CMPK2: variants seen among roughly 807,000 people sequenced by gnomAD.
The protein encoded by CMPK2 is UMP-CMP kinase 2, mitochondrial.
Under a neutral mutation model 33.4 loss-of-function variants are expected in CMPK2, and 32 were observed. The observed-to-expected ratio is 0.96, with a 90% CI of 0.72 to 1.29. The LOEUF (loss-of-function observed/expected upper bound fraction) is 1.29. Ranked by LOEUF, CMPK2 falls within the 50% of genes most tolerant of loss-of-function variation. The pLI, the probability that CMPK2 is intolerant of heterozygous loss-of-function variation, is 0.00. For synonymous variants in CMPK2, 299 were observed against 275.3 expected (o/e 1.09, Z -0.85); for missense variants, 672 against 616.0 (o/e 1.09, Z -0.96).
At chr2:6,860,476 G>T (rs1309407575) in intron 3 of CMPK2, among the ~76,000 whole-genome samples, 2 of 152,178 alleles carry the variant, frequency 1.3e-5, no homozygotes, top group Admixed American at 1.3e-4. Context: ...TTACCATGCT[G>T]TTCTCATGAT....
upstream of CMPK2, chr2:6,866,192 A>C: frequency 5.4e-6 from 1 of 184,558 alleles, no homozygotes; most frequent in South Asian, 8.5e-5. Context: ...CGGGCTCTTC[A>C]ACGCCCACTT....
At chr2:6,853,513 TA>T (rs567554416) in intron 3 of CMPK2, among the ~76,000 whole-genome samples, 71 of 151,926 alleles carry the variant, frequency 4.7e-4, no homozygotes, top group African/African-American at 1.6e-3. Context: ...GACAAGTGCT[TA>T]AAAAAAACTG....
chr2:6,844,352 C>T (rs2103213490), downstream of CMPK2, among the ~76,000 whole-genome samples: 1 of 152,272 alleles, frequency 6.6e-6, no homozygotes, highest in South Asian at 2.1e-4. Context: ...GATATCGGGG[C>T]TGCCTGGGTA....
At chr2:6,847,505 G>A (rs953933697), downstream of CMPK2, among the ~76,000 whole-genome samples, 2 of 152,166 alleles carry the variant, frequency 1.3e-5, no homozygotes, top group Admixed American at 1.3e-4. Context: ...CATGTCTCCA[G>A]GCACAACACC....
chr2:6,856,362 C>A (rs531208763), intron 3 of CMPK2, among the ~76,000 whole-genome samples: 13 of 152,258 alleles, frequency 8.5e-5, no homozygotes, highest in African/African-American at 3.1e-4. Flanking sequence ...GCAGTTGGGA[C>A]AGTTGCTACC....
chr2:6,860,013 T>C (rs1662826425), intron 3 of CMPK2, among the ~76,000 whole-genome samples: 1 of 152,248 alleles, frequency 6.6e-6, no homozygotes, highest in Non-Finnish European at 1.5e-5. Context: ...CAGCACGATC[T>C]GGACATGAGA....
chr2:6,849,742 A>T lies in CMPK2; in HGVS notation c.*108T>A. 1 of 1,547,684 alleles carries T rather than the reference A, an allele frequency of 6.5e-7. No individual in the cohort carries two copies. The highest frequency in any genetic ancestry group is 8.7e-7 in the Non-Finnish European group (1 of 1,155,392). On this transcript the variant is annotated 3_prime_UTR_variant, in exon 5 of 5. Coordinates refer to ENST00000256722, the MANE Select transcript of CMPK2 (RefSeq NM_207315.4). Reference sequence around the variant, plus strand: ...TGCCTGGTCTCCAGTTTTCTGCCACACAACATGCTTGTAGAACAGAAATTT... The same window carrying T: ...TGCCTGGTCTCCAGTTTTCTGCCACTCAACATGCTTGTAGAACAGAAATTT...
At position 6,861,336 on chromosome 2, in the gene CMPK2, G is replaced by C; in HGVS notation, c.840C>G (p.Leu280=). 3 of 1,614,184 alleles carry C rather than the reference G, an allele frequency of 1.9e-6. No individual in the cohort carries two copies. Among genetic ancestry groups the C allele is most frequent in the Non-Finnish European group, 2.5e-6 (3 of 1,180,036 alleles). Residue 280 remains leucine, a synonymous_variant, in exon 3 of 5, where the codon CTC becomes CTG. Transcript: ENST00000256722. The part of the protein sequence containing the change: ...QSVADSLKAV[L]LKSPPSCIGQ... ...CAATGCAAGAGGGTGGTGACTTTAA[G>C]AGGACAGCCTTAAGTGAATCTGCCA...
upstream of CMPK2, chr2:6,866,372 TCTCACCTGTGCACTCA>T (rs1454539491): frequency 9.9e-6 from 9 of 908,364 alleles, no homozygotes; most frequent in Non-Finnish European, 1.1e-5. Context: ...CTGTATCTTA[TCTCACCTGTGCACTCA>T]CTCACCTGTG....
chr2:6,850,843 G>T, intron 4 of CMPK2: 2 of 988,326 alleles, frequency 2.0e-6, no homozygotes, highest in Non-Finnish European at 2.4e-6. Context: ...TTCATACTCA[G>T]TCATGAGGCA....
chr2:6,857,327 T>C (rs377097610), intron 3 of CMPK2, among the ~76,000 whole-genome samples: 1 of 147,934 alleles, frequency 6.8e-6, no homozygotes, highest in African/African-American at 2.6e-5. Flanking sequence ...TTATTGTTTT[T>C]GGGATTTTTT....
intron 3 of CMPK2, chr2:6,840,817 G>A (rs914168094): frequency 2.1e-5 from 13 of 611,140 alleles, no homozygotes; most frequent in Admixed American, 5.4e-5. Context: ...GAGGTTACAT[G>A]TTTAACCAAT....
chr2:6,866,336 G>T, upstream of CMPK2: 2 of 688,256 alleles, frequency 2.9e-6, no homozygotes, highest in Non-Finnish European at 3.6e-6. Context: ...TGCGGGAACA[G>T]GGCGCAGTTC....
At position 6,865,219 on chromosome 2, in the gene CMPK2, G is replaced by A. The variant is rs772675447; in HGVS notation, c.478C>T (p.His160Tyr). Residue 160 changes from histidine (H) to tyrosine (Y), a missense_variant, in exon 1 of 5, where the codon CAC becomes TAC. Coordinates refer to ENST00000256722, the MANE Select transcript of CMPK2 (RefSeq NM_207315.4). ...GGGTCGGCCTCGAACTCGCCCAAGTGCGGGCGTGGTGCCTCCTGACAGGCG... is the reference window on the plus strand; with the variant it reads ...GGGTCGGCCTCGAACTCGCCCAAGTACGGGCGTGGTGCCTCCTGACAGGCG... ...LGACQEAPRP[H>Y]LGEFEADPRG... 3 of 1,535,082 alleles carry A rather than the reference G, an allele frequency of 2.0e-6. No homozygotes were observed. The African/African-American group carries it at 4.2e-5, about 22-fold the overall frequency.
exon 4 of CMPK2, chr2:6,840,661 G>A (rs764026890): frequency 4.3e-6 from 3 of 702,064 alleles, no homozygotes; most frequent in Non-Finnish European, 7.8e-6. Flanking sequence ...ATGGTATAAG[G>A]TTCCTCCCAG....
chr2:6,842,845 C>T (rs1011632495), intron 3 of CMPK2, among the ~76,000 whole-genome samples: 2 of 152,246 alleles, frequency 1.3e-5, no homozygotes, highest in South Asian at 4.2e-4. Context: ...AGGAAAGAGG[C>T]TGAATCCTCT....
In CMPK2 at chr2:6,861,296, T is replaced by C. The variant is rs775468827; in HGVS notation, c.880A>G (p.Ile294Val). ...ATGATAGTTGGTTCATCATCAAAGA[T>C]CTTCCTCCACTGGCCAATGCAAGAG... is the stretch of plus-strand genomic sequence containing the variant. ...PPSCIGQWRK[I>V]FDDEPTIIRR... The change falls in exon 3 of 5, where the codon ATC becomes GTC. Residue 294 changes from isoleucine (I) to valine (V), a missense_variant. Physicochemically the swap from Ile to Val is conservative, Grantham distance 29 (BLOSUM62 3). Transcript: ENST00000256722. The C allele has an allele frequency of 6.2e-7, 1 of 1,613,954 alleles. No individual in the cohort carries two copies. Among genetic ancestry groups the C allele is most frequent in the East Asian group, 2.2e-5 (1 of 44,882 alleles).
intron 4 of CMPK2, chr2:6,850,739 T>A (rs1218628581): frequency 2.0e-6 from 2 of 981,506 alleles, no homozygotes; most frequent in Non-Finnish European, 2.4e-6. Flanking sequence ...TACCATTATT[T>A]ATAACATTAC....
chr2:6,865,024 CCTCCAAAACGGCCCGGGCGG>C lies in CMPK2; in HGVS notation c.653_672del (p.Ala218GlyfsTer8). On this transcript the variant is annotated frameshift_variant, in exon 1 of 5. Transcript: ENST00000256722. LOFTEE classifies it high-confidence loss of function. ...CTGGAAGCGGACAGAACTCTTACCT[CCTCCAAAACGGCCCGGGCGG>C]CTTCCCGGTCCGGGAAGACCACGGA... is the stretch of plus-strand genomic sequence containing the variant. 4 of 1,427,622 alleles carry C rather than the reference CCTCCAAAACGGCCCGGGCGG, an allele frequency of 2.8e-6. No individual in the cohort carries two copies. The highest frequency in any genetic ancestry group is 1.8e-6 in the Non-Finnish European group (2 of 1,088,340). 88.4% of individuals were successfully genotyped at this position (1,427,622 alleles called of 1,614,324 possible). A position where few individuals can be genotyped will look rare whatever the true frequency, so the allele number is the denominator to read the frequency against.
Sources: gnomAD v4.1 joint callset for allele counts (sites outside exome capture counted in the v4.1 genomes callset) on GRCh38, gnomAD v4.1.1 for gene constraint, MANE v1.5 for transcripts, NCBI Gene and HGNC (gene_info 2026-07-23, HGNC 2026-07-21) for gene names.